The following SYCP1 variants were observed in gnomAD, a reference collection of about 807,000 sequenced individuals.
SYCP1 encodes the protein cancer/testis antigen 8.
SYCP1 carries 64 observed loss-of-function variants against 153.1 expected under a neutral mutation model. The observed-to-expected ratio is 0.42, with a 90% CI of 0.34 to 0.51. The LOEUF is 0.51. Among genes scored for constraint, SYCP1 ranks in the 20% least tolerant of loss-of-function variants. SYCP1 has a pLI of 0.06. For missense variants in SYCP1, 997 were observed against 1,049.0 expected (o/e 0.95, Z 0.68); for synonymous variants, 384 against 341.8 (o/e 1.12, Z -1.36).
intron 27 of SYCP1, among the ~76,000 whole-genome samples, chr1:114,970,724 G>A (rs1672434954): frequency 6.6e-6 from 1 of 152,024 alleles, no homozygotes; most frequent in African/African-American, 2.4e-5. Flanking sequence ...CTTTAGGCTG[G>A]TAGTGGGGAG....
At chr1:114,904,367 C>T (rs887544230) in intron 16 of SYCP1, among the ~76,000 whole-genome samples, 11 of 152,186 alleles carry the variant, frequency 7.2e-5, no homozygotes, top group South Asian at 2.1e-4. Flanking sequence ...CTGCCCACCT[C>T]GGCCTCCCAA....
At chr1:114,951,452 TAAG>T in intron 27 of SYCP1, among the ~76,000 whole-genome samples, 1 of 152,336 alleles carries the variant, frequency 6.6e-6, no homozygotes, top group Admixed American at 6.5e-5. Context: ...TTATTAAACT[TAAG>T]ATAGATATTT....
intron 27 of SYCP1, among the ~76,000 whole-genome samples, chr1:114,951,887 T>C (rs1417387268): frequency 1.3e-5 from 2 of 152,196 alleles, no homozygotes; most frequent in Non-Finnish European, 2.9e-5. Flanking sequence ...GATGGATTCA[T>C]ACACTATGTA....
chr1:114,967,320 T>C (rs1159499879), intron 27 of SYCP1, among the ~76,000 whole-genome samples: 1 of 152,230 alleles, frequency 6.6e-6, no homozygotes, highest in Middle Eastern at 3.2e-3. Flanking sequence ...AGTCTCTTTG[T>C]AGGTCTCTTA....
At chr1:114,906,372 T>C (rs534008674) in intron 16 of SYCP1, among the ~76,000 whole-genome samples, 2 of 152,248 alleles carry the variant, frequency 1.3e-5, no homozygotes, top group East Asian at 3.9e-4. Flanking sequence ...TTCAATCTCA[T>C]TGTTTTCTGC....
intron 16 of SYCP1, among the ~76,000 whole-genome samples, chr1:114,902,661 G>C (rs1334234984): frequency 6.6e-6 from 1 of 150,388 alleles, no homozygotes; most frequent in African/African-American, 2.5e-5. Flanking sequence ...TTACTTGGCC[G>C]TCTCATTATA....
Position 114,891,934 on chromosome 1 carries a change from A to G in SYCP1, c.1259-3514A>G, listed in dbSNP as rs139488104. Among the ~76,000 whole-genome samples the G allele has an allele frequency of 1.0e-3, 158 of 152,326 alleles. 2 individuals are homozygous for G. Among genetic ancestry groups the G allele is most frequent in the African/African-American group, 3.7e-3 (153 of 41,580 alleles). ...AATAAATATTTAATTATAAATTGGG[A>G]TAAGTGCTATGAAGGAAATAAAAAT... On this transcript the variant is annotated intron_variant, in intron 15 of 31. Coordinates refer to ENST00000369522, the MANE Select transcript of SYCP1 (RefSeq NM_003176.4).
intron 1 of SYCP1, 42 bp from the exon 2 acceptor site, chr1:114,855,398 GA>G (rs200368422): frequency 2.1e-5 from 26 of 1,232,898 alleles, no homozygotes; most frequent in South Asian, 2.6e-5. Context: ...GACACTCGGT[GA>G]AAAAAAACTT....
At chr1:114,979,475 C>G (rs757881709) in intron 28 of SYCP1, among the ~76,000 whole-genome samples, 1 of 151,642 alleles carries the variant, frequency 6.6e-6, no homozygotes, top group Non-Finnish European at 1.5e-5. Context: ...ATGTCAAATT[C>G]CAGATATGGC....
chr1:114,919,776 T>C (rs1668744852), intron 20 of SYCP1, among the ~76,000 whole-genome samples: 1 of 152,082 alleles, frequency 6.6e-6, no homozygotes, highest in Non-Finnish European at 1.5e-5. Context: ...GGTTTTCCAA[T>C]TTATTGATGT....
intron 8 of SYCP1, among the ~76,000 whole-genome samples, chr1:114,872,148 C>CT (rs1022703739): frequency 1.3e-5 from 2 of 151,352 alleles, no homozygotes; most frequent in African/African-American, 2.4e-5. Flanking sequence ...AGCTGTTGCT[C>CT]TTTTTTTTCT....
intron 23 of SYCP1, 109 bp from the exon 24 acceptor site, chr1:114,944,230 C>A (rs936284819): frequency 3.1e-6 from 2 of 640,372 alleles, no homozygotes; most frequent in Non-Finnish European, 5.3e-6. Context: ...ACCTAATTTC[C>A]ATGAATAAGT....
At chr1:114,941,264 T>C (rs543489448) in intron 23 of SYCP1, among the ~76,000 whole-genome samples, 1 of 152,216 alleles carries the variant, frequency 6.6e-6, no homozygotes, top group Non-Finnish European at 1.5e-5. Flanking sequence ...TTCAACTGTA[T>C]ACTTAATATG....
At chr1:114,908,463 TCTC>T (rs1667965052) in intron 16 of SYCP1, among the ~76,000 whole-genome samples, 1 of 152,152 alleles carries the variant, frequency 6.6e-6, no homozygotes, top group South Asian at 2.1e-4. Context: ...TTTGCTGTCT[TCTC>T]CTTCTAAGAT....
chr1:114,933,004 C>T (rs769831830), intron 23 of SYCP1, among the ~76,000 whole-genome samples: 5 of 152,314 alleles, frequency 3.3e-5, no homozygotes, highest in South Asian at 2.1e-4. Flanking sequence ...GCAGAAACTT[C>T]GGCAGACTTA....
chr1:114,863,478 G>C (rs1050863856), intron 8 of SYCP1, among the ~76,000 whole-genome samples: 1 of 152,106 alleles, frequency 6.6e-6, no homozygotes, highest in Non-Finnish European at 1.5e-5. Context: ...GCTTGAACCC[G>C]GGAGGCGGAG....
At chr1:114,891,032 C>T (rs1303407055) in intron 15 of SYCP1, among the ~76,000 whole-genome samples, 2 of 152,072 alleles carry the variant, frequency 1.3e-5, no homozygotes, top group African/African-American at 2.4e-5. Context: ...TATTCATCCC[C>T]CCTTGCTATA....
At chr1:114,920,382 T>G (rs1423821385) in intron 20 of SYCP1, among the ~76,000 whole-genome samples, 1 of 152,150 alleles carries the variant, frequency 6.6e-6, no homozygotes, top group Non-Finnish European at 1.5e-5. Flanking sequence ...GTTTTAAGAC[T>G]TGTTTTGTGG....
At chr1:114,952,708 T>C (rs1226189316) in intron 27 of SYCP1, among the ~76,000 whole-genome samples, 1 of 152,216 alleles carries the variant, frequency 6.6e-6, no homozygotes, top group Non-Finnish European at 1.5e-5. Flanking sequence ...CACTGGGTAC[T>C]CTCCCACAAC....
Sources: allele counts gnomAD v4.1 joint callset (sites outside exome capture counted in the v4.1 genomes callset), GRCh38; gene constraint gnomAD v4.1.1; transcripts MANE v1.5; gene names NCBI Gene and HGNC (gene_info 2026-07-23, HGNC 2026-07-21).